Variants in MSANTD7 observed in about 807,000 individuals in gnomAD.
MSANTD7 encodes Myb/SANT DNA binding domain containing 7.
At chr10:14,846,234 G>C in the MSANTD7 span, 1 of 985,172 alleles carries the variant, frequency 1.0e-6, no homozygotes, top group African/African-American at 1.7e-5. Flanking sequence ...TAGGTAGGTA[G>C]GTAGGTAGGT....
the MSANTD7 span, chr10:14,843,930 T>C: frequency 6.5e-7 from 1 of 1,533,004 alleles, no homozygotes; most frequent in Non-Finnish European, 8.7e-7. Flanking sequence ...CCTAAACTGG[T>C]AGAAGTCTAG....
At chr10:14,845,598 A>ATTTT in the MSANTD7 span, 3 of 704,590 alleles carry the variant, frequency 4.3e-6, no homozygotes, top group African/African-American at 6.1e-5. Flanking sequence ...TATTATTATT[A>ATTTT]TTTTTTTTTT....
At chr10:14,845,633 G>C in the MSANTD7 span, 1 of 749,298 alleles carries the variant, frequency 1.3e-6, no homozygotes, top group Non-Finnish European at 1.6e-6. Context: ...TCACTGTTTT[G>C]CCCAGGCTGG....
At chr10:14,841,038 C>G in the MSANTD7 span, 1 of 152,228 alleles carries the variant, frequency 6.6e-6, no homozygotes, top group African/African-American at 2.4e-5. Flanking sequence ...GTAAAAATGT[C>G]CTGGTGTTGA....
chr10:14,842,508 AG>A, the MSANTD7 span: 2 of 1,536,162 alleles, frequency 1.3e-6, no homozygotes, highest in Admixed American at 2.0e-5. The surrounding 1 kb of genome is among the most constrained non-coding windows in gnomAD (Gnocchi z 5.2). Context: ...TTATATTTAA[AG>A]GCCTATGTTG....
the MSANTD7 span, chr10:14,838,646 AGTC>A: frequency 5.2e-6 from 3 of 571,710 alleles, no homozygotes; most frequent in African/African-American, 5.9e-5. Flanking sequence ...TCCTCCGGAA[AGTC>A]GTCTACTCCG....
At chr10:14,844,042 T>A in the MSANTD7 span, 1 of 1,440,368 alleles carries the variant, frequency 6.9e-7, no homozygotes, top group Non-Finnish European at 9.0e-7. Context: ...TAATTGCTAG[T>A]TCATTTTCCC....
the MSANTD7 span, chr10:14,841,192 A>C: frequency 6.6e-6 from 1 of 152,220 alleles, no homozygotes; most frequent in Non-Finnish European, 1.5e-5. Context: ...GCCAAAAACT[A>C]TAGTTGTTTG....
At chr10:14,838,476 C>T in the MSANTD7 span, 3 of 1,595,626 alleles carry the variant, frequency 1.9e-6, no homozygotes, top group Non-Finnish European at 2.6e-6. Flanking sequence ...GGCTGCGGAG[C>T]TGGGCTAGGG....
chr10:14,845,649 A>G, the MSANTD7 span: 1 of 574,670 alleles, frequency 1.7e-6, no homozygotes, highest in Admixed American at 6.4e-5. Context: ...GCTGGGGTGC[A>G]GTGGTGCAAT....
the MSANTD7 span, chr10:14,842,374 T>G: frequency 6.5e-7 from 1 of 1,536,158 alleles, no homozygotes; most frequent in Non-Finnish European, 8.7e-7. This position sits in a 1 kb window ranked among gnomAD's most constrained non-coding sequence, Gnocchi z 5.2. Context: ...CAGAGTATAT[T>G]CAGCGCCTCC....
the MSANTD7 span, chr10:14,843,464 G>A: frequency 5.8e-6 from 9 of 1,550,628 alleles, no homozygotes; most frequent in Non-Finnish European, 7.8e-6. Context: ...GCCAGACTGG[G>A]TGTGTCCGGG....
At chr10:14,840,855 C>G in the MSANTD7 span, among the ~76,000 whole-genome samples, 1 of 152,062 alleles carries the variant, frequency 6.6e-6, no homozygotes, top group Admixed American at 6.5e-5. Flanking sequence ...TCTCAACATC[C>G]TTGTAAAATT....
At chr10:14,842,456 A>C in the MSANTD7 span, 2 of 1,536,170 alleles carry the variant, frequency 1.3e-6, no homozygotes, top group Non-Finnish European at 8.7e-7. The surrounding 1 kb of genome is among the most constrained non-coding windows in gnomAD (Gnocchi z 5.2). Context: ...CTTCCGCCGC[A>C]CCGAACGTCA....
the MSANTD7 span, chr10:14,846,281 T>A: frequency 1.0e-6 from 1 of 985,196 alleles, no homozygotes; most frequent in Non-Finnish European, 1.2e-6. Flanking sequence ...TGACGGAGAG[T>A]TAGGCCTGTA....
At chr10:14,845,773 G>A in the MSANTD7 span, 5 of 173,158 alleles carry the variant, frequency 2.9e-5, no homozygotes, top group African/African-American at 1.2e-4. Context: ...TGTTGGCCAG[G>A]CTAGTCTTGA....
chr10:14,845,695 G>C, the MSANTD7 span: 1 of 228,750 alleles, frequency 4.4e-6, no homozygotes, highest in Non-Finnish European at 7.2e-6. Context: ...CCGAGTAGCC[G>C]GGATTACAGG....
the MSANTD7 span, chr10:14,842,424 C>CT: frequency 6.5e-7 from 1 of 1,536,056 alleles, no homozygotes; most frequent in African/African-American, 1.4e-5. This position sits in a 1 kb window ranked among gnomAD's most constrained non-coding sequence, Gnocchi z 5.2. Flanking sequence ...CAGGCTGTGT[C>CT]TAAGCGAATG....
the MSANTD7 span, chr10:14,843,749 C>T: frequency 1.3e-6 from 2 of 1,536,590 alleles, no homozygotes; most frequent in East Asian, 4.9e-5. Flanking sequence ...GAGGCCAGTG[C>T]TCAGCAAGAT....
Sources: gnomAD v4.1 joint callset for allele counts (sites outside exome capture counted in the v4.1 genomes callset) on GRCh38, gnomAD v4.1.1 for gene constraint, Gnocchi (gnomAD v3.1) non-coding constraint, MANE v1.5 for transcripts, NCBI Gene and HGNC (gene_info 2026-07-23, HGNC 2026-07-21) for gene names.